BIN2: variants seen among roughly 807,000 people sequenced by gnomAD.
BIN2 encodes breast cancer associated protein BRAP1.
In BIN2, 43 loss-of-function variants were observed where a neutral mutation model predicts 67.9. The observed-to-expected ratio is 0.63, with a 90% CI of 0.50 to 0.82. The LOEUF (loss-of-function observed/expected upper bound fraction) is 0.82, where lower values mean the gene tolerates loss of function less well. BIN2 is among the 40% of genes least tolerant of loss of function. BIN2 has a pLI of 0.00. For synonymous variants in BIN2, 244 were observed against 246.8 expected (o/e 0.99, Z 0.11); for missense variants, 581 against 671.6 (o/e 0.87, Z 1.49).
chr12:51,302,326 T>C (rs1945747114), intron 4 of BIN2: 2 of 554,012 alleles, frequency 3.6e-6, no homozygotes, highest in Middle Eastern at 4.8e-4. Flanking sequence ...CATTCAGAGA[T>C]TAAGAACAGG....
intron 2 of BIN2, 52 bp from the exon 3 acceptor site, chr12:51,303,193 T>C (rs1450125001): frequency 6.3e-7 from 1 of 1,581,300 alleles, no homozygotes; most frequent in Non-Finnish European, 8.7e-7. Context: ...TTTCAAAAGA[T>C]GCTCCAGAGG....
At chr12:51,324,281 A>G, upstream of BIN2, 2 of 1,408,598 alleles carry the variant, frequency 1.4e-6, no homozygotes, top group Non-Finnish European at 1.8e-6. Flanking sequence ...CAGCTGGAGC[A>G]GGCCGGCTCG....
chr12:51,321,332 A>C (rs1178884826), intron 1 of BIN2, among the ~76,000 whole-genome samples: 1 of 152,082 alleles, frequency 6.6e-6, no homozygotes, highest in Non-Finnish European at 1.5e-5. Flanking sequence ...ACCTGCTTAA[A>C]GTGTTGAATA....
intron 2 of BIN2, among the ~76,000 whole-genome samples, chr12:51,310,788 T>C (rs55901988): frequency 0.11 from 16,520 of 152,122 alleles, 939 homozygotes; most frequent in African/African-American, 0.14. Flanking sequence ...TGAGATAGGG[T>C]CTCACTTTGT....
chr12:51,297,826 C>T (rs7955688), intron 7 of BIN2, among the ~76,000 whole-genome samples: 82,354 of 152,012 alleles, frequency 0.54, 22,443 homozygotes, highest in Non-Finnish European at 0.57. Context: ...CTAATTATAA[C>T]TATTACAGTA....
intron 2 of BIN2, among the ~76,000 whole-genome samples, chr12:51,308,117 C>T (rs1019020391): frequency 3.9e-5 from 6 of 152,090 alleles, no homozygotes; most frequent in African/African-American, 1.4e-4. Flanking sequence ...CTGTCCCCCC[C>T]TGGAATATAT....
intron 9 of BIN2, among the ~76,000 whole-genome samples, chr12:51,292,937 C>T (rs1277373698): frequency 6.6e-6 from 1 of 152,070 alleles, no homozygotes; most frequent in Non-Finnish European, 1.5e-5. Flanking sequence ...CTGTGATGTG[C>T]CTTCCAGAGA....
chr12:51,282,353 T>C (rs1456068459), intron 12 of BIN2, among the ~76,000 whole-genome samples: 1 of 152,174 alleles, frequency 6.6e-6, no homozygotes, highest in African/African-American at 2.4e-5. Flanking sequence ...AACATTTTAA[T>C]GGAGCTGAAA....
intron 3 of BIN2, 73 bp from the exon 4 acceptor site, chr12:51,302,853 T>C: frequency 7.4e-7 from 1 of 1,352,146 alleles, no homozygotes; most frequent in Non-Finnish European, 1.1e-6. Flanking sequence ...GGGTGACAAA[T>C]CAGTGGTTCC....
Position 51,320,652 on chromosome 12 carries a change from T to A in BIN2, c.81+3370A>T, listed in dbSNP as rs1946247808. ...CATTATTCTTTTTTTTTTTTTTTTT[T>A]AACTAGATCTTAAGCTTTTGGCAAA... On this transcript the variant is annotated intron_variant, in intron 1 of 12. Coordinates refer to ENST00000615107, the MANE Select transcript of BIN2 (RefSeq NM_016293.4). 2.1e-5 allele frequency among the ~76,000 whole-genome samples: 3 copies of A among 145,262 alleles called. No homozygotes were observed. The Admixed American group carries it at 2.1e-4, about 10-fold the overall frequency.
rs1157868565 is a variant in BIN2 at position 51,302,800 on chromosome 12, TC to T, written c.218-21del. On this transcript the variant is annotated intron_variant, in intron 3 of 12. Transcript: ENST00000615107. The stretch of plus-strand genomic sequence containing the variant: ...GCATCACTGAAAGGAGAGAATTCAG[TC>T]CCACCATCATGTTTCCCCAACAGTA... 6.3e-7 allele frequency: 1 copy of T among 1,587,876 alleles called. No individual in the cohort carries two copies. Among genetic ancestry groups the T allele is most frequent in the Non-Finnish European group, 8.6e-7 (1 of 1,156,188 alleles).
intron 5 of BIN2, 118 bp from the exon 6 acceptor site, chr12:51,299,832 G>C (rs561656260): frequency 1.1e-6 from 1 of 934,190 alleles, no homozygotes; most frequent in Non-Finnish European, 1.7e-6. Context: ...TTTCACTTTC[G>C]TTGTTTTTTG....
At chr12:51,297,784 T>G (rs1472524691) in intron 7 of BIN2, among the ~76,000 whole-genome samples, 1 of 152,076 alleles carries the variant, frequency 6.6e-6, no homozygotes, top group African/African-American at 2.4e-5. Flanking sequence ...CTTTGAATAA[T>G]TTTTTAAAGG....
At chr12:51,297,335 A>C in intron 7 of BIN2, 171 bp from the exon 8 acceptor site, 1 of 557,676 alleles carries the variant, frequency 1.8e-6, no homozygotes, top group Non-Finnish European at 3.2e-6. Context: ...TTGGGAGGCC[A>C]AGGTGGGCGT....
chr12:51,298,629 CAT>C (rs958805284), intron 7 of BIN2, among the ~76,000 whole-genome samples: 1 of 151,990 alleles, frequency 6.6e-6, no homozygotes, highest in African/African-American at 2.4e-5. Flanking sequence ...TTTTAGAATA[CAT>C]GTGTTCATTA....
chr12:51,318,932 C>T (rs1946199323), intron 1 of BIN2, among the ~76,000 whole-genome samples: 1 of 150,990 alleles, frequency 6.6e-6, no homozygotes, highest in Non-Finnish European at 1.5e-5. Flanking sequence ...TTGGCCATAT[C>T]TGTTTTTGTC....
At chr12:51,306,888 C>T (rs1053882330) in intron 2 of BIN2, among the ~76,000 whole-genome samples, 1 of 152,074 alleles carries the variant, frequency 6.6e-6, no homozygotes, top group Non-Finnish European at 1.5e-5. Context: ...TATACAACAT[C>T]TTTTAAATGT....
At chr12:51,288,034 T>A in intron 11 of BIN2, 74 bp downstream of exon 11, 1 of 1,109,556 alleles carries the variant, frequency 9.0e-7, no homozygotes, top group Non-Finnish European at 1.3e-6. Flanking sequence ...GATATACTTC[T>A]GGAAAAAGAA....
chr12:51,314,014 GTACTTATT>G (rs1565688184), intron 1 of BIN2, 111 bp from the exon 2 acceptor site: 4 of 437,594 alleles, frequency 9.1e-6, no homozygotes, highest in East Asian at 7.4e-5. Flanking sequence ...CTCAAGGGCT[GTACTTATT>G]TATTTATTTA....
Sources: gnomAD v4.1 joint callset for allele counts (sites outside exome capture counted in the v4.1 genomes callset) on GRCh38, gnomAD v4.1.1 for gene constraint, MANE v1.5 for transcripts, NCBI Gene and HGNC (gene_info 2026-07-23, HGNC 2026-07-21) for gene names.